THSD7B: variants seen among roughly 807,000 people sequenced by gnomAD.
The protein encoded by THSD7B is thrombospondin type-1 domain-containing protein 7B.
Under a neutral mutation model 213.6 loss-of-function variants are expected in THSD7B, and 138 were observed. The observed-to-expected ratio is 0.65, with a 90% CI of 0.56 to 0.74. The LOEUF is 0.74. THSD7B is among the 30% of genes least tolerant of loss of function. The pLI, the probability that THSD7B is intolerant of heterozygous loss-of-function variation, is 0.00. For missense variants in THSD7B, 1,931 were observed against 1,991.5 expected, an observed-to-expected ratio of 0.97 and a Z score of 0.58; for synonymous variants, 742 against 687.0, an observed-to-expected ratio of 1.08 and a Z score of -1.25.
chr2:137,155,934 C>A (rs1679902140), intron 5 of THSD7B: 2 of 152,070 alleles, frequency 1.3e-5, no homozygotes, highest in Admixed American at 6.5e-5. Context: ...GGAAGGAAAA[C>A]CAAGAAGGAT....
intron 7 of THSD7B, among the ~76,000 whole-genome samples, chr2:137,180,602 G>A (rs1680436134): frequency 6.6e-6 from 1 of 152,020 alleles, no homozygotes; most frequent in Non-Finnish European, 1.5e-5. Context: ...TAGGCCAATT[G>A]GGAACTATTG....
At chr2:137,532,244 GTTC>G (rs1482602598) in intron 15 of THSD7B, among the ~76,000 whole-genome samples, 1 of 151,832 alleles carries the variant, frequency 6.6e-6, no homozygotes, top group Non-Finnish European at 1.5e-5. Context: ...TATTATGGTA[GTTC>G]TTCTGTATAT....
intron 1 of THSD7B, among the ~76,000 whole-genome samples, chr2:136,820,333 G>T (rs1682546456): frequency 6.6e-6 from 1 of 152,158 alleles, no homozygotes; most frequent in African/African-American, 2.4e-5. Flanking sequence ...TAACCTGGAG[G>T]ATACCCTGAA....
intron 1 of THSD7B, among the ~76,000 whole-genome samples, chr2:136,860,241 T>C (rs1423539075): frequency 9.9e-5 from 15 of 151,748 alleles, no homozygotes; most frequent in Admixed American, 6.6e-5. Flanking sequence ...GCGATGCGAG[T>C]AGAGGGAGTG....
intron 20 of THSD7B, among the ~76,000 whole-genome samples, chr2:137,629,060 A>G (rs1682691090): frequency 6.6e-6 from 1 of 152,118 alleles, no homozygotes; most frequent in Non-Finnish European, 1.5e-5. Context: ...GTGAATCTTC[A>G]CAGTTGAAAC....
intron 1 of THSD7B, among the ~76,000 whole-genome samples, chr2:136,855,602 A>ATTTATTTAT (rs111285205): frequency 3.1e-4 from 6 of 19,328 alleles, no homozygotes; most frequent in African/African-American, 4.3e-4. Flanking sequence ...TTATTTATTT[A>ATTTATTTAT]TTATTTATTT....
chr2:137,347,637 T>C (rs1437213950), intron 12 of THSD7B, among the ~76,000 whole-genome samples: 1 of 151,100 alleles, frequency 6.6e-6, no homozygotes, highest in African/African-American at 2.4e-5. Context: ...TTTGCCTTCT[T>C]GGCTCAGCTG....
At chr2:136,974,753 T>G (rs1329527376) in intron 2 of THSD7B, among the ~76,000 whole-genome samples, 1 of 152,222 alleles carries the variant, frequency 6.6e-6, no homozygotes, top group Non-Finnish European at 1.5e-5. Context: ...TTTCTGGTTC[T>G]AGGTCTTTGA....
chr2:137,623,437 C>G (rs1020893042), intron 20 of THSD7B, among the ~76,000 whole-genome samples: 1 of 152,162 alleles, frequency 6.6e-6, no homozygotes, highest in Non-Finnish European at 1.5e-5. Context: ...GATGCCCTCT[C>G]TCACCACTCC....
intron 3 of THSD7B, among the ~76,000 whole-genome samples, chr2:137,071,990 A>C (rs1687499823): frequency 6.6e-6 from 1 of 152,144 alleles, no homozygotes; most frequent in African/African-American, 2.4e-5. Flanking sequence ...TACCAGTATC[A>C]TGCTGTTTTG....
At position 137,065,477 on chromosome 2, in the gene THSD7B, G is replaced by A. The variant is rs79884112; in HGVS notation, c.950+8247G>A. ...AATTTGACTTCTTCCTTTCCAGTTC[G>A]GTTGTCCTTTATTTTTTTCTCTTGT... On this transcript the variant is annotated intron_variant, in intron 3 of 27. Transcript: ENST00000409968. Among the ~76,000 whole-genome samples, 538 of 151,688 alleles carry A rather than the reference G, an allele frequency of 3.5e-3. 8 individuals are homozygous for A. In the East Asian group the frequency reaches 0.043, roughly 12 times the overall value.
intron 2 of THSD7B, among the ~76,000 whole-genome samples, chr2:137,048,358 GA>G (rs1305461040): frequency 6.6e-6 from 1 of 151,680 alleles, no homozygotes. Flanking sequence ...TTATTCCTTT[GA>G]AAAAAAATGA....
Position 136,775,330 on chromosome 2 carries a change from T to G in THSD7B, c.-36+9643T>G, listed in dbSNP as rs1270978166. ...TATATAAAATTTGCAATTCAAATAA[T>G]GAAGACAAAGTCTGGTCTCAATCCT... On this transcript the variant is annotated intron_variant, in intron 1 of 27. Coordinates refer to ENST00000409968, the MANE Select transcript of THSD7B (RefSeq NM_001316349.2). Among the ~76,000 whole-genome samples, 6 of 152,236 alleles carry G rather than the reference T, an allele frequency of 3.9e-5. No individual in the cohort carries two copies. The East Asian group carries it at 1.2e-3, about 29-fold the overall frequency.
intron 1 of THSD7B, among the ~76,000 whole-genome samples, chr2:136,831,348 G>A (rs1208045798): frequency 6.6e-6 from 1 of 151,836 alleles, no homozygotes; most frequent in Non-Finnish European, 1.5e-5. Context: ...CTAATCCTAG[G>A]CAGGCATTTA....
At chr2:137,338,682 G>T (rs1482371981) in intron 12 of THSD7B, among the ~76,000 whole-genome samples, 2 of 152,078 alleles carry the variant, frequency 1.3e-5, no homozygotes, top group Non-Finnish European at 2.9e-5. Flanking sequence ...GACAGTTGAT[G>T]TTGCTTCATT....
chr2:137,223,680 C>G (rs938177241), intron 7 of THSD7B, among the ~76,000 whole-genome samples: 1 of 152,136 alleles, frequency 6.6e-6, no homozygotes, highest in African/African-American at 2.4e-5. Flanking sequence ...TTGCTTCCTC[C>G]TGGAATGTGT....
At chr2:137,484,017 T>C (rs567405747) in intron 15 of THSD7B, among the ~76,000 whole-genome samples, 4 of 149,418 alleles carry the variant, frequency 2.7e-5, no homozygotes, top group African/African-American at 9.9e-5. Context: ...GTTTCTTTTT[T>C]TTTTATTTTA....
At chr2:137,393,391 A>G (rs1686091248) in intron 12 of THSD7B, among the ~76,000 whole-genome samples, 1 of 149,236 alleles carries the variant, frequency 6.7e-6, no homozygotes, top group Non-Finnish European at 1.5e-5. Flanking sequence ...ATTCCCACCT[A>G]TGAGTGAGAA....
chr2:136,820,210 G>A (rs1013432042), intron 1 of THSD7B, among the ~76,000 whole-genome samples: 1 of 152,218 alleles, frequency 6.6e-6, no homozygotes, highest in African/African-American at 2.4e-5. Context: ...AACGGTGCTG[G>A]ATAGGGTGGG....
Sources: allele counts gnomAD v4.1 joint callset (sites outside exome capture counted in the v4.1 genomes callset), GRCh38; gene constraint gnomAD v4.1.1; transcripts MANE v1.5; gene names NCBI Gene and HGNC (gene_info 2026-07-23, HGNC 2026-07-21).